Variants in DESI2 observed in about 807,000 individuals in gnomAD.
DESI2 encodes the protein desumoylating isopeptidase 2, also known as deubiquitinase DESI2.
A neutral mutation model predicts 24.1 loss-of-function variants in DESI2; 10 were observed. The ratio of observed to expected loss-of-function variants is 0.41; its 90% confidence interval spans 0.26 to 0.70. DESI2 has a LOEUF of 0.70. Among genes scored for constraint, DESI2 ranks in the 30% least tolerant of loss-of-function variants. DESI2 has a pLI of 0.29. For missense variants in DESI2, 122 were observed against 234.9 expected (o/e 0.52, Z 3.14); for synonymous variants, 71 against 87.7 (o/e 0.81, Z 1.06).
intron 1 of DESI2, among the ~76,000 whole-genome samples, chr1:244,676,968 A>C (rs1307912149): frequency 6.6e-6 from 1 of 150,630 alleles, no homozygotes. Context: ...TCCAGGGATA[A>C]ATCCCACTGG....
Position 244,705,774 on chromosome 1 carries a change from C to G in DESI2, c.570C>G (p.Arg190=), listed in dbSNP as rs1254793710. 6.2e-7 allele frequency: 1 copy of G among 1,609,652 alleles called. No individual in the cohort carries two copies. Among genetic ancestry groups the G allele is most frequent in the African/African-American group, 1.3e-5 (1 of 74,898 alleles). The part of the protein sequence containing the change: ...ASTAAGSRPG[R]HTKL ...CTGCAGCAGGCTCCAGACCCGGGCG[C>G]CACACTAAACTATAAATGTCTCCAA... is the stretch of plus-strand genomic sequence containing the variant. Residue 190 remains arginine, a synonymous_variant, in exon 5 of 5, where the codon CGC becomes CGG. Transcript: ENST00000302550.
rs1178079928 is a variant in DESI2 at position 244,708,986 on chromosome 1, TACA to T, written c.*3201_*3203del. 2 of 152,540 alleles carry T rather than the reference TACA, an allele frequency of 1.3e-5. No individual in the cohort carries two copies. The highest frequency in any genetic ancestry group is 2.9e-5 in the Non-Finnish European group (2 of 68,054). The allele number at this position is 152,540 out of a possible 1,614,324, so 9.4% of individuals were successfully genotyped here. ...TTGATATAGCATTGGGCTATCATGT[TACA>T]ACATTGAAATACATTGATTTATTAA... On this transcript the variant is annotated 3_prime_UTR_variant, in exon 5 of 5. Transcript: ENST00000302550.
chr1:244,667,447 G>A (rs1418487851), intron 1 of DESI2, among the ~76,000 whole-genome samples: 1 of 152,262 alleles, frequency 6.6e-6, no homozygotes, highest in East Asian at 1.9e-4. Context: ...TCCAGGTCAC[G>A]CTGATGAAAG....
intron 4 of DESI2, among the ~76,000 whole-genome samples, chr1:244,698,499 G>A (rs559458674): frequency 6.6e-6 from 1 of 152,262 alleles, no homozygotes; most frequent in Non-Finnish European, 1.5e-5. Context: ...CTTTTTGCTT[G>A]GCCTTGGAAA....
chr1:244,672,989 G>C (rs1380296536), intron 1 of DESI2, among the ~76,000 whole-genome samples: 3 of 152,082 alleles, frequency 2.0e-5, no homozygotes, highest in African/African-American at 7.2e-5. Context: ...TTCCGTAAAA[G>C]GCTCAGTTCT....
chr1:244,674,081 G>A (rs909688719), intron 1 of DESI2, among the ~76,000 whole-genome samples: 3 of 134,472 alleles, frequency 2.2e-5, no homozygotes, highest in Non-Finnish European at 3.1e-5. Context: ...TACAACCTCC[G>A]CCTCCCAGGT....
intron 1 of DESI2, among the ~76,000 whole-genome samples, chr1:244,659,664 G>C (rs1675771367): frequency 6.6e-6 from 1 of 151,986 alleles, no homozygotes; most frequent in African/African-American, 2.4e-5. Flanking sequence ...TTTTTAAGAG[G>C]CCAGGTAATT....
intron 1 of DESI2, among the ~76,000 whole-genome samples, chr1:244,683,522 A>G (rs535096863): frequency 1.3e-5 from 2 of 152,188 alleles, no homozygotes; most frequent in East Asian, 1.9e-4. Context: ...CATGTTAGCC[A>G]GGGTGGTCTT....
At chr1:244,691,523 G>T (rs1677031593) in intron 3 of DESI2, among the ~76,000 whole-genome samples, 1 of 152,224 alleles carries the variant, frequency 6.6e-6, no homozygotes, top group Non-Finnish European at 1.5e-5. Context: ...AATTACGCAG[G>T]AATATTTGCA....
intron 2 of DESI2, among the ~76,000 whole-genome samples, chr1:244,687,323 TC>T (rs1282787899): frequency 6.6e-6 from 1 of 152,196 alleles, no homozygotes; most frequent in Admixed American, 6.5e-5. Flanking sequence ...ACAGTTTTTT[TC>T]CACTGTGCTA....
rs779209037 is a variant in DESI2 at position 244,691,929 on chromosome 1, A to G, written c.260A>G (p.Lys87Arg). Residue 87 changes from lysine (K) to arginine (R), a missense_variant, in exon 4 of 5, where the codon AAA (lysine) becomes AGA (arginine). Transcript: ENST00000302550. ...STDFLEDDIEKIVEELGKEYK... is the reference protein window; with the variant it reads ...STDFLEDDIERIVEELGKEYK... ...GACTTCCTAGAAGATGATATAGAAA[A>G]AATTGTAGAAGAACTGGGAAAAGAA... 6.2e-7 allele frequency: 1 copy of G among 1,603,124 alleles called. No homozygotes were observed. Among genetic ancestry groups the G allele is most frequent in the Non-Finnish European group, 8.5e-7 (1 of 1,177,806 alleles).
At chr1:244,653,778 G>GTC in intron 1 of DESI2, 1 of 350,496 alleles carries the variant, frequency 2.9e-6, no homozygotes. Flanking sequence ...CGAACTGTCC[G>GTC]TCTCTCTCCA....
rs1677663883 is a variant in DESI2 at position 244,705,616 on chromosome 1, A to G, written c.412A>G (p.Ile138Val). 4 of 1,614,190 alleles carry G rather than the reference A, an allele frequency of 2.5e-6. No homozygotes were observed. Among genetic ancestry groups the G allele is most frequent in the Non-Finnish European group, 3.4e-6 (4 of 1,180,030 alleles). The change falls in exon 5 of 5, where the codon ATA (isoleucine) becomes GTA (valine). Residue 138 changes from isoleucine to valine, a missense_variant. By Grantham distance (29) the Ile-to-Val change is conservative (BLOSUM62 3). This residue lies in a region of DESI2 where 12 missense variants were observed against 31.8 expected (regional missense o/e 0.38). Coordinates refer to ENST00000302550, the MANE Select transcript of DESI2 (RefSeq NM_016076.5). ...INRLAYFSSC[I>V]PFLQSCLPKE... is the part of the protein sequence containing the mutation. ...TCGACTTGCCTACTTCAGCTCCTGT[A>G]TACCCTTTCTACAGAGTTGCCTCCC...
Position 244,701,207 on chromosome 1 carries a change from TCCCCTCCACCCCCCCCCCCCCC to T in DESI2, c.352-4344_352-4323del, listed in dbSNP as rs578225634. 1.8e-3 allele frequency among the ~76,000 whole-genome samples: 72 copies of T among 39,630 alleles called. 9 individuals are homozygous for T. The South Asian group carries it at 0.036, about 20-fold the overall frequency. The allele number at this position is 39,630 out of a possible 152,430, so 26.0% of individuals were successfully genotyped here. On this transcript the variant is annotated intron_variant, in intron 4 of 4. Transcript: ENST00000302550. ...AGCCAAGGGCATGACTGGACCACCT[TCCCCTCCACCCCCCCCCCCCCC>T]CCCCCGCCCTTTTAACTGCTGAAGA...
In DESI2 at chr1:244,667,217, T is replaced by C. The variant is rs191431743; in HGVS notation, c.42+13862T>C. Among the ~76,000 whole-genome samples the C allele has an allele frequency of 1.1e-4, 17 of 152,312 alleles. No individual in the cohort carries two copies. In the East Asian group the frequency reaches 3.1e-3, roughly 28 times the overall value. The stretch of plus-strand genomic sequence containing the variant: ...AAAGTCCACAGTCCAAAGTCTCATC[T>C]GAGACAAGGCAAGTCCCTTCCTATG... On this transcript the variant is annotated intron_variant, in intron 1 of 4. Transcript: ENST00000302550.
chr1:244,705,448 C>T (rs894740503), intron 4 of DESI2, 108 bp from the exon 5 acceptor site: 9 of 821,246 alleles, frequency 1.1e-5, no homozygotes, highest in East Asian at 2.5e-5. Flanking sequence ...GCTAGTCTGC[C>T]GTGGCTTCTC....
intron 1 of DESI2, among the ~76,000 whole-genome samples, chr1:244,658,675 T>C (rs1675734104): frequency 6.6e-6 from 1 of 152,124 alleles, no homozygotes; most frequent in Non-Finnish European, 1.5e-5. Context: ...GTAACTTAAA[T>C]GGCATGAAAA....
chr1:244,655,958 G>A (rs978443621), intron 1 of DESI2, among the ~76,000 whole-genome samples: 1 of 152,246 alleles, frequency 6.6e-6, no homozygotes, highest in Non-Finnish European at 1.5e-5. Flanking sequence ...GGGGAACAGT[G>A]TGATCAGTTG....
At chr1:244,677,060 G>T (rs974566854) in intron 1 of DESI2, among the ~76,000 whole-genome samples, 14 of 151,574 alleles carry the variant, frequency 9.2e-5, no homozygotes, top group African/African-American at 3.4e-4. Flanking sequence ...TTGGTATCAG[G>T]TTTATCTGGC....
Sources: allele counts gnomAD v4.1 joint callset (sites outside exome capture counted in the v4.1 genomes callset), GRCh38; gene constraint gnomAD v4.1.1; regional missense constraint gnomAD v4.1.1; transcripts MANE v1.5; gene names NCBI Gene and HGNC (gene_info 2026-07-23, HGNC 2026-07-21).